The following TANC2 variants were observed in gnomAD, a reference collection of about 807,000 sequenced individuals.
TANC2 encodes the protein protein TANC2.
TANC2 carries 26 observed loss-of-function variants against 210.5 expected under a neutral mutation model. The ratio of observed to expected loss-of-function variants is 0.12; its 90% CI spans 0.09 to 0.17. The LOEUF (loss-of-function observed/expected upper bound fraction) is 0.17. Ranked by LOEUF, TANC2 falls within the 10% of genes least tolerant of loss-of-function variation. The pLI, the probability that TANC2 is intolerant of heterozygous loss-of-function variation, is 1.00. For synonymous variants in TANC2, 931 were observed against 967.1 expected (o/e 0.96, Z 0.69); for missense variants, 2,129 against 2,608.9 (o/e 0.82, Z 4.01).
intron 14 of TANC2, among the ~76,000 whole-genome samples, chr17:63,359,642 C>G (rs1389124480): frequency 6.6e-6 from 1 of 152,156 alleles, no homozygotes; most frequent in Non-Finnish European, 1.5e-5. Flanking sequence ...GCCACCGTGC[C>G]CAGCCTAGCC....
chr17:63,074,849 T>C (rs1598356973), intron 3 of TANC2, among the ~76,000 whole-genome samples: 1 of 152,160 alleles, frequency 6.6e-6, no homozygotes, highest in Non-Finnish European at 1.5e-5. Context: ...TTATTGAGTT[T>C]GGTTTTCAAA....
chr17:63,006,289 C>T (rs2033623700), intron 1 of TANC2, among the ~76,000 whole-genome samples: 1 of 151,426 alleles, frequency 6.6e-6, no homozygotes. Flanking sequence ...TTACTCTTTT[C>T]CTTCCTTCTA....
chr17:63,269,706 T>C (rs1366276760), intron 9 of TANC2, among the ~76,000 whole-genome samples: 2 of 152,132 alleles, frequency 1.3e-5, no homozygotes, highest in African/African-American at 4.8e-5. Context: ...TATCTGAAGA[T>C]TTAATAAGGT....
At position 63,205,372 on chromosome 17, in the gene TANC2, A is replaced by AAAAAAAAAAAC. The variant is rs1472135033; in HGVS notation, c.769+4415_769+4416insAAAAAAAAAAC. 1.9e-4 allele frequency among the ~76,000 whole-genome samples: 25 copies of AAAAAAAAAAAC among 131,850 alleles called. 2 individuals are homozygous for AAAAAAAAAAAC. The highest frequency in any genetic ancestry group is 4.7e-4 in the African/African-American group (15 of 32,128). The allele number at this position is 131,850 out of a possible 152,430, so 86.5% of individuals were successfully genotyped here. A position where few individuals can be genotyped will look rare whatever the true frequency, so the allele number is the denominator to read the frequency against. On this transcript the variant is annotated intron_variant, in intron 7 of 27. Coordinates refer to ENST00000689528, the Ensembl canonical transcript of TANC2. ...AAAAAAAAAAAAAAAAAAAAAAAAA[A>AAAAAAAAAAAC]CCTCATACACCGAAAACTACAAAAC...
At chr17:63,240,306 A>T (rs1467483115) in intron 8 of TANC2, among the ~76,000 whole-genome samples, 1 of 152,232 alleles carries the variant, frequency 6.6e-6, no homozygotes, top group African/African-American at 2.4e-5. Context: ...GCTTTGTCTC[A>T]ATGAGTGGAA....
intron 11 of TANC2, among the ~76,000 whole-genome samples, chr17:63,337,559 A>G (rs570196558): frequency 3.1e-4 from 46 of 149,776 alleles, no homozygotes; most frequent in Non-Finnish European, 5.0e-4. Flanking sequence ...AATCACTCGT[A>G]TTATATTGGA....
chr17:62,969,142 CT>C (rs1328445326), intron 1 of TANC2, among the ~76,000 whole-genome samples: 1 of 152,148 alleles, frequency 6.6e-6, no homozygotes, highest in East Asian at 1.9e-4. Flanking sequence ...CAAGGGCCAG[CT>C]GTACTAGTAG....
At chr17:63,005,906 G>GTT (rs1285409627) in intron 1 of TANC2, among the ~76,000 whole-genome samples, 4 of 138,940 alleles carry the variant, frequency 2.9e-5, no homozygotes, top group Admixed American at 7.0e-5. Flanking sequence ...TTGTGTGTGT[G>GTT]TGTGTGTGTG....
intron 8 of TANC2, among the ~76,000 whole-genome samples, chr17:63,267,093 A>T (rs752793698): frequency 6.6e-6 from 1 of 152,060 alleles, no homozygotes. Flanking sequence ...GGCTCAAGCG[A>T]TCCACTCTCC....
chr17:63,388,104 A>G (rs1029654470), intron 15 of TANC2: 1 of 152,532 alleles, frequency 6.6e-6, no homozygotes, highest in Non-Finnish European at 1.5e-5. Flanking sequence ...ATCAAAAGGA[A>G]CAATAGAAAG....
chr17:62,982,811 A>C (rs145710825), intron 1 of TANC2, among the ~76,000 whole-genome samples: 143 of 152,122 alleles, frequency 9.4e-4, no homozygotes, highest in African/African-American at 3.4e-3. Flanking sequence ...TATCTGTTCC[A>C]CTGGTCTATG....
chr17:63,155,055 T>C (rs1355671878), intron 5 of TANC2: 1 of 152,118 alleles, frequency 6.6e-6, no homozygotes, highest in African/African-American at 2.4e-5. Flanking sequence ...GCAGAGATTA[T>C]ATCTGGTTGG....
At chr17:63,157,896 T>TG (rs1323151190) in intron 5 of TANC2, among the ~76,000 whole-genome samples, 1 of 151,978 alleles carries the variant, frequency 6.6e-6, no homozygotes, top group Non-Finnish European at 1.5e-5. Flanking sequence ...ATTACAGGAG[T>TG]GACTACCACA....
chr17:63,370,747 C>A (rs545590213), intron 14 of TANC2, among the ~76,000 whole-genome samples: 12 of 152,290 alleles, frequency 7.9e-5, no homozygotes, highest in African/African-American at 2.9e-4. Context: ...CACTGCTTCC[C>A]AGCGTAATTG....
intron 7 of TANC2, among the ~76,000 whole-genome samples, chr17:63,204,499 G>A (rs914427385): frequency 4.6e-5 from 7 of 151,924 alleles, no homozygotes; most frequent in African/African-American, 7.3e-5. Context: ...GAATAGTGGC[G>A]TGAACTTGTA....
At position 63,354,769 on chromosome 17, in the gene TANC2, C is replaced by G. The variant is rs1253301575; in HGVS notation, c.1975-14C>G. 2.6e-6 allele frequency: 4 copies of G among 1,545,524 alleles called. No homozygotes were observed. Among genetic ancestry groups the G allele is most frequent in the Non-Finnish European group, 3.5e-6 (4 of 1,151,364 alleles). The stretch of plus-strand genomic sequence containing the variant: ...AAGGTCTTTCTGTCTCTTTCTCTCT[C>G]TCCATCTTTTTAGGAAATTACCAAG... On this transcript the variant is annotated splice_polypyrimidine_tract_variant and intron_variant, in intron 13 of 27. Coordinates refer to ENST00000689528, the Ensembl canonical transcript of TANC2.
At chr17:63,079,069 T>A (rs1466096044) in intron 3 of TANC2, among the ~76,000 whole-genome samples, 2 of 152,162 alleles carry the variant, frequency 1.3e-5, no homozygotes, top group Non-Finnish European at 2.9e-5. Context: ...ATAAGAAAAA[T>A]TCCTCTTCCT....
chr17:63,425,238 A>T (rs1171868252), exon 28 of TANC2: 1 of 152,156 alleles, frequency 6.6e-6, no homozygotes, highest in Non-Finnish European at 1.5e-5. Context: ...ATGGCTCAGG[A>T]AAATTCCACT....
intron 14 of TANC2, among the ~76,000 whole-genome samples, chr17:63,361,825 T>C (rs1052299585): frequency 2.6e-5 from 4 of 152,158 alleles, no homozygotes; most frequent in East Asian, 1.9e-4. Context: ...AGGAGCTTCA[T>C]TGAGCAACAG....
Sources: gnomAD v4.1 joint callset for allele counts (sites outside exome capture counted in the v4.1 genomes callset) on GRCh38, gnomAD v4.1.1 for gene constraint, MANE v1.5 for transcripts, NCBI Gene and HGNC (gene_info 2026-07-23, HGNC 2026-07-21) for gene names.